Variants in SCUBE1 observed in about 807,000 individuals in gnomAD.
SCUBE1 encodes the protein signal peptide, CUB and EGF-like domain-containing protein 1.
In SCUBE1, 59 loss-of-function variants were observed where a neutral mutation model predicts 124.4. The ratio of observed to expected loss-of-function variants is 0.47; its 90% CI spans 0.38 to 0.59. The LOEUF (loss-of-function observed/expected upper bound fraction) is 0.59, where lower values mean the gene tolerates loss of function less well. Among genes scored for constraint, SCUBE1 ranks in the 20% least tolerant of loss-of-function variants. The pLI is 0.00. For missense variants in SCUBE1, 1,150 were observed against 1,371.2 expected (o/e 0.84, Z 2.55); for synonymous variants, 545 against 550.9 (o/e 0.99, Z 0.15).
intron 21 of SCUBE1, 121 bp from the exon 22 acceptor site, chr22:43,204,270 C>T: frequency 1.3e-6 from 1 of 785,178 alleles, no homozygotes; most frequent in Non-Finnish European, 2.1e-6. Context: ...ACCCCACAGA[C>T]CTTCTTTTGG....
At chr22:43,228,577 C>T (rs1922420601) in intron 9 of SCUBE1, among the ~76,000 whole-genome samples, 1 of 152,216 alleles carries the variant, frequency 6.6e-6, no homozygotes, top group Admixed American at 6.5e-5. Flanking sequence ...TGAGCTCCCT[C>T]CTGTGGGCTC....
intron 16 of SCUBE1, 21 bp downstream of exon 16, chr22:43,214,069 T>A (rs745889691): frequency 1.1e-5 from 4 of 352,030 alleles, no homozygotes; most frequent in African/African-American, 6.3e-5. Context: ...CCCCCACCTC[T>A]CCTTCTAGGC....
At position 43,243,082 on chromosome 22, in the gene SCUBE1, G is replaced by A. The variant is rs1923071736; in HGVS notation, c.728-4128C>T. Among the ~76,000 whole-genome samples the A allele has an allele frequency of 2.6e-5, 4 of 152,368 alleles. No homozygotes were observed. The South Asian group carries it at 8.3e-4, about 32-fold the overall frequency. Reference sequence around the variant, plus strand: ...CCAATCGTGGGCCCTTCTAAGGGCGGGGTCCTGGGCCACCGCACACGCCAC... The same window carrying A: ...CCAATCGTGGGCCCTTCTAAGGGCGAGGTCCTGGGCCACCGCACACGCCAC... On this transcript the variant is annotated intron_variant, in intron 6 of 21. Transcript: ENST00000360835.
At chr22:43,206,534 C>T (rs1921289155) in intron 21 of SCUBE1, among the ~76,000 whole-genome samples, 1 of 152,100 alleles carries the variant, frequency 6.6e-6, no homozygotes, top group African/African-American at 2.4e-5. Flanking sequence ...AGGAGGGGCA[C>T]GCGGGACCTA....
chr22:43,203,993 C>T lies in SCUBE1; in HGVS notation c.*4G>A, dbSNP rs748746726. On this transcript the variant is annotated 3_prime_UTR_variant, in exon 22 of 22. Transcript: ENST00000360835. ...CCACCCCCAGGCAGGGCCGCTCCCC[C>T]CGGTTATTTGTAGGGCCGCAGGAAC... 5 of 1,613,924 alleles carry T rather than the reference C, an allele frequency of 3.1e-6. No individual in the cohort carries two copies. Among genetic ancestry groups the T allele is most frequent in the Non-Finnish European group, 4.2e-6 (5 of 1,179,972 alleles).
chr22:43,325,811 A>C (rs1427441251), intron 2 of SCUBE1, among the ~76,000 whole-genome samples: 1 of 152,106 alleles, frequency 6.6e-6, no homozygotes, highest in African/African-American at 2.4e-5. Flanking sequence ...CTCATTATGG[A>C]ATTTTTGAAA....
chr22:43,222,836 GA>G (rs1569499915), intron 11 of SCUBE1, 94 bp from the exon 12 acceptor site: 1 of 1,084,506 alleles, frequency 9.2e-7, no homozygotes, highest in East Asian at 2.6e-5. Flanking sequence ...GGAGTGAGAC[GA>G]AGATCAGGAC....
At chr22:43,269,821 G>A (rs968663914) in intron 4 of SCUBE1, among the ~76,000 whole-genome samples, 2 of 152,184 alleles carry the variant, frequency 1.3e-5, no homozygotes, top group East Asian at 1.9e-4. Context: ...AACGTTGAAG[G>A]GGGGTGAAGG....
At chr22:43,218,642 C>G (rs888174939) in intron 14 of SCUBE1, among the ~76,000 whole-genome samples, 184 bp from the exon 15 acceptor site, 3 of 152,220 alleles carry the variant, frequency 2.0e-5, no homozygotes, top group Admixed American at 6.5e-5. Context: ...GGCTGCGGAC[C>G]TGGGAGGCAG....
intron 13 of SCUBE1, 64 bp downstream of exon 13, chr22:43,221,109 C>T: frequency 1.5e-6 from 2 of 1,348,086 alleles, no homozygotes; most frequent in Non-Finnish European, 2.1e-6. Flanking sequence ...GGCCCCAGCT[C>T]CCAGGCATGA....
intron 2 of SCUBE1, among the ~76,000 whole-genome samples, chr22:43,328,912 A>T (rs1416111205): frequency 1.3e-5 from 2 of 152,168 alleles, no homozygotes; most frequent in African/African-American, 4.8e-5. Context: ...GGCTCAGAAA[A>T]CTTGTCTTTC....
In SCUBE1 at chr22:43,207,543, T is replaced by C. The variant is rs1283167422; in HGVS notation, c.2805A>G (p.Glu935=). 6.2e-7 allele frequency: 1 copy of C among 1,613,444 alleles called. No homozygotes were observed. Among genetic ancestry groups the C allele is most frequent in the African/African-American group, 1.3e-5 (1 of 75,048 alleles). Residue 935 remains glutamate (E), a synonymous_variant, in exon 21 of 22, where the codon GAA becomes GAG. Coordinates refer to ENST00000360835, the MANE Select transcript of SCUBE1 (RefSeq NM_173050.5). The part of the protein sequence containing the change: ...GRLYASENHQ[E]ILKDKKLIKA... ...CAATAAACTCACTCACTTTCAAAAT[T>C]TCCTGGTGGTTCTCCGAGGCGTACA...
At chr22:43,306,716 TG>T (rs2146769728) in intron 3 of SCUBE1, among the ~76,000 whole-genome samples, 1 of 152,268 alleles carries the variant, frequency 6.6e-6, no homozygotes, top group Admixed American at 6.5e-5. Context: ...AGCCCTGTCC[TG>T]GGAACACCAG....
chr22:43,274,880 T>C (rs1395213972), intron 4 of SCUBE1, among the ~76,000 whole-genome samples: 2 of 152,176 alleles, frequency 1.3e-5, no homozygotes, highest in African/African-American at 2.4e-5. Flanking sequence ...GTACTTCTCA[T>C]GGCCCTTCGA....
In SCUBE1 at chr22:43,201,939, G is replaced by T. The variant is rs1921025241; in HGVS notation, c.*2058C>A. On this transcript the variant is annotated 3_prime_UTR_variant, in exon 22 of 22. Transcript: ENST00000360835. ...CGGCTCCACAAAGGGAGGGAGGGAGGCCTCTTTCCAGAAACCAGGGCTGGC... is the reference window on the plus strand; with the variant it reads ...CGGCTCCACAAAGGGAGGGAGGGAGTCCTCTTTCCAGAAACCAGGGCTGGC... 1 of 152,124 alleles carries T rather than the reference G, an allele frequency of 6.6e-6. No individual in the cohort carries two copies. The highest frequency in any genetic ancestry group is 2.4e-5 in the African/African-American group (1 of 41,400). The allele number at this position is 152,124 out of a possible 1,614,324, so 9.4% of individuals were successfully genotyped here.
At chr22:43,340,948 C>T (rs761329667) in intron 1 of SCUBE1, among the ~76,000 whole-genome samples, 176 of 152,262 alleles carry the variant, frequency 1.2e-3, no homozygotes, top group Non-Finnish European at 1.1e-3. Flanking sequence ...TATCTGGGTT[C>T]GAAATCTGCC....
chr22:43,207,992 G>A (rs1232633097), intron 20 of SCUBE1, 80 bp downstream of exon 20: 7 of 1,495,212 alleles, frequency 4.7e-6, no homozygotes, highest in Admixed American at 1.7e-5. Flanking sequence ...CCCTGAGGGC[G>A]GGGACGTGCG....
In SCUBE1 at chr22:43,204,424, G is replaced by C. The variant is rs374680689; in HGVS notation, c.2815-275C>G. ...GGTGATTCTGCTGCCTCAGCCTCTC[G>C]AGTAGCTGGGATTATAGGCATGCAC... is the stretch of plus-strand genomic sequence containing the variant. On this transcript the variant is annotated intron_variant, in intron 21 of 21. Transcript: ENST00000360835. 1.4e-3 allele frequency among the ~76,000 whole-genome samples: 212 copies of C among 151,884 alleles called. 1 individual carries two copies. The highest frequency in any genetic ancestry group is 0.01 in the Middle Eastern group (3 of 294).
At chr22:43,303,755 C>T (rs75710915) in intron 3 of SCUBE1, among the ~76,000 whole-genome samples, 2 of 152,174 alleles carry the variant, frequency 1.3e-5, no homozygotes, top group Non-Finnish European at 2.9e-5. Context: ...GATTCTGAGC[C>T]GATAAGGAAT....
Sources: allele counts gnomAD v4.1 joint callset (sites outside exome capture counted in the v4.1 genomes callset), GRCh38; gene constraint gnomAD v4.1.1; transcripts MANE v1.5; gene names NCBI Gene and HGNC (gene_info 2026-07-23, HGNC 2026-07-21).